Variants in CD58 observed in about 807,000 individuals in gnomAD.
CD58 encodes lymphocyte function-associated antigen 3.
Under a neutral mutation model 27.6 loss-of-function variants are expected in CD58, and 14 were observed. The ratio of observed to expected loss-of-function variants is 0.51; its 90% CI spans 0.34 to 0.79. CD58 has a LOEUF of 0.79. Among genes scored for constraint, CD58 ranks in the 30% least tolerant of loss-of-function variants. CD58 has a pLI of 0.02. For synonymous variants in CD58, 117 were observed against 103.8 expected, an observed-to-expected ratio of 1.13 and a Z score of -0.77; for missense variants, 268 against 301.7, an observed-to-expected ratio of 0.89 and a Z score of 0.83.
In CD58 at chr1:116,570,425, G is replaced by A. The variant is rs1659101268; in HGVS notation, c.70+478C>T. On this transcript the variant is annotated intron_variant, in intron 1 of 5. Transcript: ENST00000369489. The surrounding 1 kb of genome is among the most constrained non-coding windows in gnomAD (Gnocchi z 6.4). ...CTGAAAAGTCCTCTCTGCTGATACG[G>A]CGGACGCCGCGCGGGCGGGGACGGC... Among the ~76,000 whole-genome samples the A allele has an allele frequency of 1.3e-5, 2 of 152,124 alleles. No individual in the cohort carries two copies. Among genetic ancestry groups the A allele is most frequent in the African/African-American group, 2.4e-5 (1 of 41,450 alleles).
intron 3 of CD58, chr1:116,533,594 TG>T: frequency 1.4e-6 from 1 of 708,504 alleles, no homozygotes. Flanking sequence ...TTTCTAAAGA[TG>T]GTAAACCAGA....
At chr1:116,542,567 G>A (rs145905634) in intron 2 of CD58, among the ~76,000 whole-genome samples, 1 of 152,218 alleles carries the variant, frequency 6.6e-6, no homozygotes, top group Non-Finnish European at 1.5e-5. Flanking sequence ...AAGACAGCAG[G>A]TGGTGGTGGC....
At chr1:116,551,005 C>G (rs1479327743) in intron 1 of CD58, among the ~76,000 whole-genome samples, 2 of 152,138 alleles carry the variant, frequency 1.3e-5, no homozygotes, top group African/African-American at 4.8e-5. Flanking sequence ...TTACAATATT[C>G]AGTAAACCAT....
chr1:116,569,884 A>G (rs572155389), intron 1 of CD58, among the ~76,000 whole-genome samples: 2 of 152,240 alleles, frequency 1.3e-5, no homozygotes, highest in African/African-American at 4.8e-5. Flanking sequence ...TGACAGGTGT[A>G]AGCCACCACG....
At chr1:116,526,419 T>C (rs903571079) in intron 3 of CD58, among the ~76,000 whole-genome samples, 3 of 152,228 alleles carry the variant, frequency 2.0e-5, no homozygotes, top group Non-Finnish European at 4.4e-5. Flanking sequence ...TGTCCAGTTG[T>C]TACAGCACTA....
At position 116,534,611 on chromosome 1, in the gene CD58, G is replaced by A. The variant is rs1356203968; in HGVS notation, c.628+1354C>T. On this transcript the variant is annotated intron_variant, in intron 3 of 5. Coordinates refer to ENST00000369489, the MANE Select transcript of CD58 (RefSeq NM_001779.3). This position sits in a 1 kb window ranked among gnomAD's most constrained non-coding sequence, Gnocchi z 5.3. ...CAGGGCAGGGGCGCACCGGGTGCTG[G>A]GAGGGGCCGCTCCAGGCCCCAAGCC... 6.6e-6 allele frequency among the ~76,000 whole-genome samples: 1 copy of A among 152,310 alleles called. No homozygotes were observed. The highest frequency in any genetic ancestry group is 2.4e-5 in the African/African-American group (1 of 41,586).
rs1056948524 is a variant in CD58 at position 116,536,143 on chromosome 1, G to A, written c.450C>T (p.Ser150=). ...VQCMIPEHYN[S]HRGLIMYSWD... is the part of the protein sequence containing the mutation. ...ATGAGTACATTATAAGTCCTCGATG[G>A]CTGTTGTAATGCTCTGGTATCATGC... The change falls in exon 3 of 6, where the codon AGC becomes AGT. Residue 150 remains serine (S), a synonymous_variant. Coordinates refer to ENST00000369489, the MANE Select transcript of CD58 (RefSeq NM_001779.3). The surrounding 1 kb of genome is among the most constrained non-coding windows in gnomAD (Gnocchi z 5.4). 6.2e-7 allele frequency: 1 copy of A among 1,613,266 alleles called. No homozygotes were observed. The highest frequency in any genetic ancestry group is 1.7e-4 in the Middle Eastern group (1 of 6,058).
chr1:116,530,828 G>A (rs559680188), intron 3 of CD58, among the ~76,000 whole-genome samples: 1 of 152,212 alleles, frequency 6.6e-6, no homozygotes, highest in African/African-American at 2.4e-5. Context: ...GAACCATTAA[G>A]ATCATTAAGT....
At chr1:116,568,448 C>T (rs951930144) in intron 1 of CD58, among the ~76,000 whole-genome samples, 1 of 152,176 alleles carries the variant, frequency 6.6e-6, no homozygotes, top group Non-Finnish European at 1.5e-5. Flanking sequence ...AAAAAAAACC[C>T]TAAACTGAAG....
rs1253647214 is a variant in CD58, at chr1:116,524,567, T to A, written c.629-2584A>T. Among the ~76,000 whole-genome samples the A allele has an allele frequency of 1.3e-5, 2 of 152,200 alleles. No individual in the cohort carries two copies. Among genetic ancestry groups the A allele is most frequent in the Non-Finnish European group, 2.9e-5 (2 of 68,026 alleles). On this transcript the variant is annotated intron_variant, in intron 3 of 5. Transcript: ENST00000369489. This position sits in a 1 kb window ranked among gnomAD's most constrained non-coding sequence, Gnocchi z 4.6. ...TATGGTTCAAATTAATACCTTTAAA[T>A]AAATCCAGGGCTACAATGTTTACTT...
chr1:116,528,722 C>T lies in CD58; in HGVS notation c.629-6739G>A, dbSNP rs1212905095. On this transcript the variant is annotated intron_variant, in intron 3 of 5. Coordinates refer to ENST00000369489, the MANE Select transcript of CD58 (RefSeq NM_001779.3). The surrounding 1 kb of genome is among the most constrained non-coding windows in gnomAD (Gnocchi z 4.4). ...TGGTGAAGTGCACTGGGTTTCTTTA[C>T]CTGGAAATAGCCTTTGACTCTCAAA... Among the ~76,000 whole-genome samples the T allele has an allele frequency of 6.6e-6, 1 of 152,186 alleles. No individual in the cohort carries two copies. The highest frequency in any genetic ancestry group is 1.5e-5 in the Non-Finnish European group (1 of 68,028).
chr1:116,525,092 T>C (rs1657387669), intron 3 of CD58, among the ~76,000 whole-genome samples: 1 of 152,232 alleles, frequency 6.6e-6, no homozygotes, highest in Middle Eastern at 3.2e-3. Context: ...ATCCACACTT[T>C]ACATTAGCAT....
chr1:116,540,319 T>C (rs1461831558), intron 2 of CD58, among the ~76,000 whole-genome samples: 1 of 151,556 alleles, frequency 6.6e-6, no homozygotes, highest in African/African-American at 2.4e-5. Flanking sequence ...GTGTTAACAT[T>C]ACCTCAAGGA....
rs1023990410 is a variant in CD58, at chr1:116,570,559, G to C, written c.70+344C>G. On this transcript the variant is annotated intron_variant, in intron 1 of 5. Transcript: ENST00000369489. This position sits in a 1 kb window ranked among gnomAD's most constrained non-coding sequence, Gnocchi z 6.4. ...GAAAAATTTTGCAGTCCGCTGAAGC[G>C]CTCAGCGACGTTACTGGGGAAGCCC... Among the ~76,000 whole-genome samples the C allele has an allele frequency of 1.3e-5, 2 of 151,992 alleles. No individual in the cohort carries two copies. Among genetic ancestry groups the C allele is most frequent in the African/African-American group, 4.8e-5 (2 of 41,414 alleles).
intron 1 of CD58, among the ~76,000 whole-genome samples, chr1:116,545,460 G>T (rs528948837): frequency 1.8e-3 from 269 of 152,280 alleles, no homozygotes; most frequent in Non-Finnish European, 3.1e-3. Flanking sequence ...TTGTAGTGGG[G>T]ACAGACAAGC....
At chr1:116,558,222 A>G (rs1658645121) in intron 1 of CD58, among the ~76,000 whole-genome samples, 1 of 152,012 alleles carries the variant, frequency 6.6e-6, no homozygotes. Flanking sequence ...ATATATGAAT[A>G]TTGGTATTTC....
At chr1:116,547,413 C>A (rs1318393610) in intron 1 of CD58, among the ~76,000 whole-genome samples, 7 of 151,618 alleles carry the variant, frequency 4.6e-5, no homozygotes, top group African/African-American at 1.7e-4. Flanking sequence ...AAAAGTTCCA[C>A]CTCCCAGGCT....
chr1:116,548,159 T>C (rs1459270859), intron 1 of CD58, among the ~76,000 whole-genome samples: 1 of 152,260 alleles, frequency 6.6e-6, no homozygotes, highest in African/African-American at 2.4e-5. Context: ...GTTTGCTTTT[T>C]TCTTGCTGAT....
chr1:116,530,769 C>G (rs1419898139), intron 3 of CD58, among the ~76,000 whole-genome samples: 1 of 151,498 alleles, frequency 6.6e-6, no homozygotes, highest in Admixed American at 6.6e-5. Flanking sequence ...CAAAAGCATT[C>G]AAAAATCATC....
Sources: gnomAD v4.1 joint callset for allele counts (sites outside exome capture counted in the v4.1 genomes callset) on GRCh38, gnomAD v4.1.1 for gene constraint, Gnocchi (gnomAD v3.1) non-coding constraint, MANE v1.5 for transcripts, NCBI Gene and HGNC (gene_info 2026-07-23, HGNC 2026-07-21) for gene names.